The following CYP39A1 variants were observed in gnomAD, a reference collection of about 807,000 sequenced individuals.
CYP39A1 encodes 24-hydroxycholesterol 7-alpha-hydroxylase.
Under a neutral mutation model 58.1 loss-of-function variants are expected in CYP39A1, and 49 were observed. The ratio of observed to expected loss-of-function variants is 0.84; its 90% CI spans 0.67 to 1.07. The LOEUF is 1.07. CYP39A1 is among the 50% of genes least tolerant of loss of function. CYP39A1 has a pLI of 0.00. For synonymous variants in CYP39A1, 209 were observed against 187.6 expected, an observed-to-expected ratio of 1.11 and a Z score of -0.93; for missense variants, 531 against 539.4, an observed-to-expected ratio of 0.98 and a Z score of 0.16.
intron 7 of CYP39A1, among the ~76,000 whole-genome samples, chr6:46,624,392 T>C (rs1388364454): frequency 2.0e-5 from 3 of 152,200 alleles, no homozygotes; most frequent in Non-Finnish European, 4.4e-5. Context: ...CACCAGTGTC[T>C]TTCCAGAATC....
intron 10 of CYP39A1, among the ~76,000 whole-genome samples, chr6:46,555,016 C>T (rs924002038): frequency 3.3e-5 from 5 of 151,126 alleles, no homozygotes; most frequent in Non-Finnish European, 2.9e-5. Flanking sequence ...CACATATCTT[C>T]ACTATCTCCT....
Position 46,620,114 on chromosome 6 carries a change from G to T in CYP39A1, c.931+5304C>A, listed in dbSNP as rs531433271. Among the ~76,000 whole-genome samples the T allele has an allele frequency of 3.1e-4, 47 of 152,226 alleles. No homozygotes were observed. In the South Asian group the frequency reaches 7.9e-3, roughly 26 times the overall value. ...AGAATGTCTATTCAAGAAAAAAACA[G>T]TTGAATCTTGATAAGAACATCAAGC... On this transcript the variant is annotated intron_variant, in intron 7 of 11. Transcript: ENST00000275016.
In CYP39A1 at chr6:46,640,838, A is replaced by G. The variant is rs186381870; in HGVS notation, c.314-1170T>C. Among the ~76,000 whole-genome samples, 212 of 146,148 alleles carry G rather than the reference A, an allele frequency of 1.5e-3. 1 individual carries two copies. Among genetic ancestry groups the G allele is most frequent in the African/African-American group, 5.2e-3 (206 of 39,568 alleles). ...CATTTTATTGAAGTAACTTTTTCAA[A>G]GAATAAGTTTTAATTTTGTATTTCG... is the stretch of plus-strand genomic sequence containing the variant. On this transcript the variant is annotated intron_variant, in intron 2 of 11. Coordinates refer to ENST00000275016, the MANE Select transcript of CYP39A1 (RefSeq NM_016593.5).
intron 10 of CYP39A1, among the ~76,000 whole-genome samples, chr6:46,562,595 T>G (rs1395704634): frequency 6.6e-6 from 1 of 151,808 alleles, no homozygotes; most frequent in Non-Finnish European, 1.5e-5. Flanking sequence ...TGGTGAAACC[T>G]CCTCTCCATT....
At chr6:46,651,032 G>A (rs2150618491) in intron 1 of CYP39A1, among the ~76,000 whole-genome samples, 1 of 152,292 alleles carries the variant, frequency 6.6e-6, no homozygotes, top group Non-Finnish European at 1.5e-5. Context: ...TATGGCCCAG[G>A]ATTTGAGAAG....
chr6:46,561,225 T>A (rs1210497934), intron 10 of CYP39A1, among the ~76,000 whole-genome samples: 1 of 152,160 alleles, frequency 6.6e-6, no homozygotes. Context: ...GTAGGTTCCT[T>A]GCTTTATTCA....
chr6:46,601,822 C>A (rs1773526422), intron 7 of CYP39A1, among the ~76,000 whole-genome samples: 1 of 151,906 alleles, frequency 6.6e-6, no homozygotes, highest in South Asian at 2.1e-4. Context: ...TGCCCGTCCT[C>A]AGGTTACTTA....
chr6:46,573,149 A>T (rs567199567), intron 10 of CYP39A1, among the ~76,000 whole-genome samples: 1 of 152,128 alleles, frequency 6.6e-6, no homozygotes, highest in East Asian at 1.9e-4. Context: ...AAGCTTACAG[A>T]TCTCTAACTC....
rs1762764814 is a variant in CYP39A1, at chr6:46,652,509, T to G, written c.74A>C (p.Asn25Thr). The G allele has an allele frequency of 1.2e-6, 2 of 1,613,962 alleles. No homozygotes were observed. Among genetic ancestry groups the G allele is most frequent in the Non-Finnish European group, 1.7e-6 (2 of 1,179,940 alleles). ...CTTGATGCACGGGGGTCTACGCAAA[T>G]TCTTCCGCTGAAGGAGTAAGAACAG... ...LALFLLLQRK[N>T]LRRPPCIKGW... Residue 25 changes from asparagine (N) to threonine (T), a missense_variant, in exon 1 of 12, where the codon AAT becomes ACT. By Grantham distance (65) the Asn-to-Thr change is moderately conservative. Transcript: ENST00000275016.
intron 8 of CYP39A1, among the ~76,000 whole-genome samples, chr6:46,594,446 T>C (rs551517717): frequency 2.0e-5 from 3 of 152,198 alleles, no homozygotes; most frequent in South Asian, 2.1e-4. Flanking sequence ...AGCATGGTAC[T>C]GGCATAAAAC....
intron 7 of CYP39A1, among the ~76,000 whole-genome samples, chr6:46,620,694 G>A (rs1774905410): frequency 6.6e-6 from 1 of 152,142 alleles, no homozygotes; most frequent in Non-Finnish European, 1.5e-5. Context: ...CGAAAGCTAA[G>A]GCAGAGTTGT....
chr6:46,601,665 CTATTATTATTATTAT>C (rs3085597), intron 7 of CYP39A1, among the ~76,000 whole-genome samples: 7 of 145,394 alleles, frequency 4.8e-5, no homozygotes, highest in Admixed American at 3.5e-4. Context: ...CTCAGGTTAC[CTATTATTATTATTAT>C]TATTATTATT....
intron 10 of CYP39A1, chr6:46,583,628 T>C (rs1422558076): frequency 2.0e-6 from 2 of 976,342 alleles, no homozygotes; most frequent in Non-Finnish European, 2.4e-6. Context: ...TCTCCAGTAG[T>C]AGAATTACTA....
At chr6:46,555,870 A>G (rs529209665) in intron 10 of CYP39A1, among the ~76,000 whole-genome samples, 1 of 152,300 alleles carries the variant, frequency 6.6e-6, no homozygotes, top group East Asian at 1.9e-4. Flanking sequence ...ATATCACATC[A>G]ATTATTCAGT....
intron 7 of CYP39A1, among the ~76,000 whole-genome samples, chr6:46,614,548 C>T (rs1389815010): frequency 2.6e-5 from 4 of 152,120 alleles, no homozygotes; most frequent in African/African-American, 7.2e-5. Context: ...TTTTCTTCTT[C>T]ATCTTACCCC....
chr6:46,652,705 T>C lies in CYP39A1; in HGVS notation c.-123A>G, dbSNP rs898966578. On this transcript the variant is annotated 5_prime_UTR_variant, in exon 1 of 12. Coordinates refer to ENST00000275016, the MANE Select transcript of CYP39A1 (RefSeq NM_016593.5). Reference sequence around the variant, plus strand: ...ACCTTTCTGCTGCAACTTTTGCAGCTCTCCTTCGTAACTGTAGCTTCCTTC... The same window carrying C: ...ACCTTTCTGCTGCAACTTTTGCAGCCCTCCTTCGTAACTGTAGCTTCCTTC... 14 of 890,492 alleles carry C rather than the reference T, an allele frequency of 1.6e-5. No homozygotes were observed. Among genetic ancestry groups the C allele is most frequent in the East Asian group, 5.4e-5 (2 of 37,368 alleles). The allele number at this position is 890,492 out of a possible 1,614,324, so 55.2% of individuals were successfully genotyped here. A position where few individuals can be genotyped will look rare whatever the true frequency, so the allele number is the denominator to read the frequency against.
intron 7 of CYP39A1, among the ~76,000 whole-genome samples, chr6:46,617,235 G>C (rs1443609615): frequency 6.6e-6 from 1 of 152,084 alleles, no homozygotes; most frequent in Non-Finnish European, 1.5e-5. Context: ...GAATGGCTTA[G>C]AAAATGTTTT....
intron 10 of CYP39A1, among the ~76,000 whole-genome samples, chr6:46,566,384 C>G (rs1771279118): frequency 6.6e-6 from 1 of 152,142 alleles, no homozygotes; most frequent in Non-Finnish European, 1.5e-5. Context: ...CCTCAGGACA[C>G]TTACAATCAT....
chr6:46,630,859 T>C, intron 6 of CYP39A1, 104 bp downstream of exon 6: 1 of 922,952 alleles, frequency 1.1e-6, no homozygotes, highest in Non-Finnish European at 1.7e-6. Flanking sequence ...TTCTTTTCCA[T>C]AATGAGTGAT....
Sources: gnomAD v4.1 joint callset for allele counts (sites outside exome capture counted in the v4.1 genomes callset) on GRCh38, gnomAD v4.1.1 for gene constraint, MANE v1.5 for transcripts, NCBI Gene and HGNC (gene_info 2026-07-23, HGNC 2026-07-21) for gene names.